Variants in C13orf42 observed in about 807,000 individuals in gnomAD.
C13orf42 encodes the protein chromosome 13 open reading frame 42, also known as uncharacterized protein C13orf42.
intron 1 of C13orf42, among the ~76,000 whole-genome samples, chr13:51,142,437 A>G (rs1276948778): frequency 6.6e-6 from 1 of 152,230 alleles, no homozygotes; most frequent in Non-Finnish European, 1.5e-5. Context: ...AATAATCTAC[A>G]TAAACAACTA....
chr13:51,091,917 G>C (rs1371781343), intron 1 of C13orf42, among the ~76,000 whole-genome samples: 1 of 152,136 alleles, frequency 6.6e-6, no homozygotes, highest in Non-Finnish European at 1.5e-5. Context: ...GGGTTAAGGG[G>C]CCCAGACTCC....
At chr13:51,170,913 C>T (rs2138057296) in intron 1 of C13orf42, among the ~76,000 whole-genome samples, 1 of 152,156 alleles carries the variant, frequency 6.6e-6, no homozygotes, top group East Asian at 1.9e-4. Flanking sequence ...TCCCGCTTTC[C>T]TAGGGGGCAA....
intron 1 of C13orf42, among the ~76,000 whole-genome samples, chr13:51,093,522 T>C (rs947418657): frequency 6.6e-6 from 1 of 152,232 alleles, no homozygotes; most frequent in African/African-American, 2.4e-5. Context: ...TGGTGGCTAC[T>C]GAATTGCAAA....
chr13:51,134,501 T>C (rs528171008), intron 1 of C13orf42, among the ~76,000 whole-genome samples: 1 of 152,178 alleles, frequency 6.6e-6, no homozygotes, highest in African/African-American at 2.4e-5. Flanking sequence ...CTAAATCCTT[T>C]GGGATTTATG....
Position 51,087,130 on chromosome 13 carries a change from T to C in C13orf42, c.562+798A>G, listed in dbSNP as rs895670743. ...TGGGCAAGTCAAAGATTAAACAAAC[T>C]GTCTGACAGTCGCATGATGGAATGT... is the stretch of plus-strand genomic sequence containing the variant. On this transcript the variant is annotated intron_variant, in intron 2 of 3. Coordinates refer to ENST00000563710, the MANE Select transcript of C13orf42 (RefSeq NM_001351589.3). Among the ~76,000 whole-genome samples, 3 of 152,340 alleles carry C rather than the reference T, an allele frequency of 2.0e-5. No individual in the cohort carries two copies. The South Asian group carries it at 6.2e-4, about 32-fold the overall frequency.
chr13:51,111,616 T>G (rs775754776), upstream of C13orf42, among the ~76,000 whole-genome samples: 22 of 152,238 alleles, frequency 1.4e-4, no homozygotes, highest in Non-Finnish European at 3.1e-4. Context: ...GGCCATGGTC[T>G]CACTCAGTTT....
intron 1 of C13orf42, among the ~76,000 whole-genome samples, chr13:51,146,242 T>A (rs1034968687): frequency 2.0e-5 from 3 of 152,176 alleles, no homozygotes; most frequent in African/African-American, 7.2e-5. Flanking sequence ...AAGCCTCTGA[T>A]AAATGGACAT....
intron 1 of C13orf42, among the ~76,000 whole-genome samples, chr13:51,163,332 G>T (rs1294843366): frequency 6.6e-6 from 1 of 152,126 alleles, no homozygotes; most frequent in African/African-American, 2.4e-5. Flanking sequence ...GCATCAGTCT[G>T]TTACATGATA....
chr13:51,129,921 T>A (rs117829234), intron 1 of C13orf42, among the ~76,000 whole-genome samples: 3 of 152,210 alleles, frequency 2.0e-5, no homozygotes. Flanking sequence ...CTGTCTTCTA[T>A]GTCCTTGGGA....
At chr13:51,105,398 C>G (rs1953342871) in intron 1 of C13orf42, among the ~76,000 whole-genome samples, 1 of 152,204 alleles carries the variant, frequency 6.6e-6, no homozygotes, top group African/African-American at 2.4e-5. Context: ...ATAGTATGTG[C>G]TCAATCGATA....
At chr13:51,147,074 G>A (rs1435354935) in intron 1 of C13orf42, among the ~76,000 whole-genome samples, 1 of 152,246 alleles carries the variant, frequency 6.6e-6, no homozygotes, top group African/African-American at 2.4e-5. Flanking sequence ...GGTGGGGGCA[G>A]GCCAGGGGAG....
intron 1 of C13orf42, among the ~76,000 whole-genome samples, chr13:51,144,388 T>C (rs761962705): frequency 4.2e-5 from 5 of 119,930 alleles, no homozygotes; most frequent in Admixed American, 7.5e-5. Flanking sequence ...AGTGTACTCT[T>C]ATGAACAAAA....
At chr13:51,126,815 C>G (rs1443169327) in intron 1 of C13orf42, among the ~76,000 whole-genome samples, 2 of 152,176 alleles carry the variant, frequency 1.3e-5, no homozygotes, top group Non-Finnish European at 2.9e-5. Flanking sequence ...CTGATTATTT[C>G]TGACAAATGA....
intron 2 of C13orf42, among the ~76,000 whole-genome samples, chr13:51,087,333 C>A (rs1953138965): frequency 2.0e-5 from 3 of 152,342 alleles, no homozygotes; most frequent in African/African-American, 7.2e-5. Context: ...ATGCACCACC[C>A]TACTACCTAG....
At chr13:51,138,361 G>T (rs530220091) in intron 1 of C13orf42, among the ~76,000 whole-genome samples, 1 of 152,164 alleles carries the variant, frequency 6.6e-6, no homozygotes, top group East Asian at 1.9e-4. Flanking sequence ...CAACTCAATA[G>T]CCAAAAACAA....
intron 1 of C13orf42, among the ~76,000 whole-genome samples, chr13:51,096,416 C>T (rs1417251531): frequency 6.6e-6 from 1 of 152,306 alleles, no homozygotes; most frequent in African/African-American, 2.4e-5. Flanking sequence ...TTCTTTCCTG[C>T]TCTCCACATC....
intron 1 of C13orf42, among the ~76,000 whole-genome samples, chr13:51,153,857 C>T (rs1189525942): frequency 6.6e-6 from 1 of 151,980 alleles, no homozygotes; most frequent in African/African-American, 2.4e-5. Flanking sequence ...GGGTCTCAGA[C>T]TCCTGGGCTC....
chr13:51,148,073 A>T (rs1953752369), intron 1 of C13orf42, among the ~76,000 whole-genome samples: 1 of 152,224 alleles, frequency 6.6e-6, no homozygotes, highest in East Asian at 1.9e-4. Context: ...GAAATGAAAC[A>T]GCACTGGATG....
intron 1 of C13orf42, among the ~76,000 whole-genome samples, chr13:51,088,771 T>C (rs994511474): frequency 6.6e-6 from 1 of 152,212 alleles, no homozygotes; most frequent in Non-Finnish European, 1.5e-5. Context: ...GTGGAATAAA[T>C]TAAAATTAGT....
Sources: gnomAD v4.1 joint callset for allele counts (sites outside exome capture counted in the v4.1 genomes callset) on GRCh38, gnomAD v4.1.1 for gene constraint, MANE v1.5 for transcripts, NCBI Gene and HGNC (gene_info 2026-07-23, HGNC 2026-07-21) for gene names.